The following PDE1A variants were observed in gnomAD, a reference collection of about 807,000 sequenced individuals.
The protein encoded by PDE1A is dual specificity calcium/calmodulin-dependent 3',5'-cyclic nucleotide phosphodiesterase 1A.
In PDE1A, 35 loss-of-function variants were observed where a neutral mutation model predicts 61.7. The ratio of observed to expected loss-of-function variants is 0.57; its 90% CI spans 0.43 to 0.75. The LOEUF is 0.75. Ranked by LOEUF, PDE1A falls within the 30% of genes least tolerant of loss-of-function variation. PDE1A has a pLI of 0.00. For missense variants in PDE1A, 597 were observed against 630.6 expected (o/e 0.95, Z 0.57); for synonymous variants, 232 against 213.2 (o/e 1.09, Z -0.77).
At chr2:182,435,751 C>T (rs937956411) in intron 2 of PDE1A, among the ~76,000 whole-genome samples, 7 of 152,062 alleles carry the variant, frequency 4.6e-5, no homozygotes. Flanking sequence ...AATCAACAAC[C>T]TAACTTCAAT....
Position 182,212,021 on chromosome 2 carries a change from ATT to A in PDE1A, c.777-5958_777-5957del, listed in dbSNP as rs1431522598. 3.4e-3 allele frequency among the ~76,000 whole-genome samples: 514 copies of A among 152,106 alleles called. 2 individuals are homozygous for A. The highest frequency in any genetic ancestry group is 0.012 in the African/African-American group (500 of 41,510). On this transcript the variant is annotated intron_variant, in intron 7 of 13. Coordinates refer to ENST00000351439, the Ensembl canonical transcript of PDE1A. ...CTTTTTCTAGTTGTATTGCATTAGT[ATT>A]GCATACTTCCAGTATGATACAAAAA...
intron 1 of PDE1A, among the ~76,000 whole-genome samples, chr2:182,350,113 C>T (rs1698781623): frequency 1.3e-5 from 2 of 152,116 alleles, no homozygotes; most frequent in Admixed American, 1.3e-4. Flanking sequence ...ACCACAGTAA[C>T]TAACACCATA....
the PDE1A span, among the ~76,000 whole-genome samples, chr2:182,550,073 T>C: frequency 6.6e-6 from 1 of 152,250 alleles, no homozygotes; most frequent in East Asian, 1.9e-4. Flanking sequence ...AGTAAAGAAG[T>C]AGCAAATTTC....
At chr2:182,220,229 C>A (rs180886224) in intron 7 of PDE1A, among the ~76,000 whole-genome samples, 1 of 151,958 alleles carries the variant, frequency 6.6e-6, no homozygotes, top group East Asian at 1.9e-4. Flanking sequence ...TAGCAAAGCA[C>A]ATGTATAATT....
the PDE1A span, among the ~76,000 whole-genome samples, chr2:182,705,504 CTTTT>C: frequency 2.0e-5 from 3 of 150,152 alleles, no homozygotes; most frequent in Non-Finnish European, 3.0e-5. Flanking sequence ...AGGGCTAAGT[CTTTT>C]TTTTTTTTGT....
the PDE1A span, among the ~76,000 whole-genome samples, chr2:182,693,894 G>A: frequency 3.3e-5 from 5 of 152,016 alleles, no homozygotes; most frequent in Admixed American, 6.6e-5. Flanking sequence ...TGATCCGCCC[G>A]CCTTAGGCTC....
chr2:182,677,964 G>A, the PDE1A span, among the ~76,000 whole-genome samples: 1 of 152,070 alleles, frequency 6.6e-6, no homozygotes, highest in Non-Finnish European at 1.5e-5. Flanking sequence ...CAATAAAATA[G>A]GAATAGATAG....
At chr2:182,674,742 A>G in the PDE1A span, among the ~76,000 whole-genome samples, 4 of 152,100 alleles carry the variant, frequency 2.6e-5, no homozygotes, top group Admixed American at 2.6e-4. Flanking sequence ...ACAACTGTTT[A>G]TAAGAAGTTC....
intron 2 of PDE1A, among the ~76,000 whole-genome samples, chr2:182,454,789 C>A (rs1042525716): frequency 1.3e-5 from 2 of 151,926 alleles, no homozygotes; most frequent in Non-Finnish European, 2.9e-5. Flanking sequence ...GAAAGACTTA[C>A]ATGTTAGACC....
intron 1 of PDE1A, among the ~76,000 whole-genome samples, chr2:182,387,441 G>GAGAA (rs1053263987): frequency 6.6e-6 from 1 of 151,752 alleles, no homozygotes; most frequent in Non-Finnish European, 1.5e-5. Context: ...GAAAGAAAGA[G>GAGAA]AGAAAGAAAG....
intron 2 of PDE1A, among the ~76,000 whole-genome samples, chr2:182,246,608 A>T (rs13016087): frequency 6.6e-6 from 1 of 151,542 alleles, no homozygotes; most frequent in Non-Finnish European, 1.5e-5. Context: ...GGGTTTCGCC[A>T]TGTTGGCCAG....
chr2:182,270,247 G>A (rs1185169286), intron 1 of PDE1A, among the ~76,000 whole-genome samples: 1 of 152,116 alleles, frequency 6.6e-6, no homozygotes, highest in Non-Finnish European at 1.5e-5. Flanking sequence ...AATTGCAGAA[G>A]ACACATAATT....
At chr2:182,373,130 G>A (rs936557896) in intron 1 of PDE1A, among the ~76,000 whole-genome samples, 1 of 152,190 alleles carries the variant, frequency 6.6e-6, no homozygotes, top group Non-Finnish European at 1.5e-5. Flanking sequence ...ATACATCACA[G>A]GGGCTTCAAT....
intron 2 of PDE1A, among the ~76,000 whole-genome samples, chr2:182,442,615 A>G (rs904939185): frequency 6.6e-6 from 1 of 152,068 alleles, no homozygotes; most frequent in Non-Finnish European, 1.5e-5. Flanking sequence ...TGCATGTTTA[A>G]TTATACATGA....
At chr2:182,517,726 G>C (rs1390738975) in intron 2 of PDE1A, among the ~76,000 whole-genome samples, 1 of 152,176 alleles carries the variant, frequency 6.6e-6, no homozygotes, top group Admixed American at 6.5e-5. Flanking sequence ...TTTTTAACAG[G>C]ATATCTATCA....
At chr2:182,489,556 A>C (rs1195725491) in intron 2 of PDE1A, among the ~76,000 whole-genome samples, 1 of 152,148 alleles carries the variant, frequency 6.6e-6, no homozygotes, top group Non-Finnish European at 1.5e-5. Flanking sequence ...TGGATGTGGT[A>C]AGAAGTGATT....
chr2:182,568,841 T>C, the PDE1A span, among the ~76,000 whole-genome samples: 2 of 151,586 alleles, frequency 1.3e-5, no homozygotes, highest in East Asian at 3.9e-4. Context: ...TGTGATCATA[T>C]ATATTTATTT....
At chr2:182,515,130 G>C (rs191578172) in intron 2 of PDE1A, among the ~76,000 whole-genome samples, 3 of 152,262 alleles carry the variant, frequency 2.0e-5, no homozygotes, top group Non-Finnish European at 2.9e-5. Context: ...GTAGGTATCA[G>C]TTTTGTCCAT....
intron 1 of PDE1A, among the ~76,000 whole-genome samples, chr2:182,296,605 G>C (rs79371268): frequency 6.6e-6 from 1 of 152,120 alleles, no homozygotes; most frequent in Non-Finnish European, 1.5e-5. Flanking sequence ...AGAGGCCACC[G>C]ATCTTCAAGT....
Sources: allele counts gnomAD v4.1 joint callset (sites outside exome capture counted in the v4.1 genomes callset), GRCh38; gene constraint gnomAD v4.1.1; transcripts MANE v1.5; gene names NCBI Gene and HGNC (gene_info 2026-07-23, HGNC 2026-07-21).